Variants in GOLGA3 observed in about 807,000 individuals in gnomAD.
GOLGA3 encodes the protein golgin subfamily A member 3.
A neutral mutation model predicts 169.4 loss-of-function variants in GOLGA3; 75 were observed. That is an observed-to-expected ratio of 0.44 (90% CI 0.37 to 0.54). GOLGA3 has a LOEUF of 0.54. Ranked by LOEUF, GOLGA3 falls within the 20% of genes least tolerant of loss-of-function variation. The pLI is 0.00. For synonymous variants in GOLGA3, 824 were observed against 822.4 expected, an observed-to-expected ratio of 1.00 and a Z score of -0.03; for missense variants, 1,899 against 1,930.0, an observed-to-expected ratio of 0.98 and a Z score of 0.30.
At chr12:132,774,136 C>A in intron 23 of GOLGA3, 21 bp downstream of exon 23, 2 of 1,553,290 alleles carry the variant, frequency 1.3e-6, no homozygotes, top group Non-Finnish European at 1.7e-6. Context: ...AGCTGAAGTG[C>A]AGCACGGAAT....
rs186642824 is a variant in GOLGA3, at chr12:132,769,642, G to A, written c.*3463C>T. On this transcript the variant is annotated 3_prime_UTR_variant, in exon 24 of 24. Coordinates refer to ENST00000450791, the MANE Select transcript of GOLGA3 (RefSeq NM_001389683.1). ...TTTTGGAACATCAGAAAAACAAGTA[G>A]TGACATCGTGAAGTGCCCTAGCCTG... The A allele has an allele frequency of 1.3e-5, 2 of 152,282 alleles. No individual in the cohort carries two copies. Among genetic ancestry groups the A allele is most frequent in the African/African-American group, 4.8e-5 (2 of 41,586 alleles). 9.4% of individuals were successfully genotyped at this position (152,282 alleles called of 1,614,324 possible).
At chr12:132,781,320 G>A (rs927266488) in intron 17 of GOLGA3, among the ~76,000 whole-genome samples, 15 of 151,272 alleles carry the variant, frequency 9.9e-5, no homozygotes, top group African/African-American at 3.6e-4. Context: ...CCAGCACTTT[G>A]GGAGGCCGAG....
At chr12:132,786,177 G>A (rs1463857438) in intron 15 of GOLGA3, among the ~76,000 whole-genome samples, 162 bp downstream of exon 15, 2 of 151,956 alleles carry the variant, frequency 1.3e-5, no homozygotes, top group Non-Finnish European at 2.9e-5. Flanking sequence ...CTCAGTCACT[G>A]TGGGTTCCTG....
intron 1 of GOLGA3, chr12:132,826,035 A>G: frequency 8.0e-7 from 1 of 1,256,648 alleles, no homozygotes; most frequent in African/African-American, 1.5e-5. Flanking sequence ...ATGTCTGTAC[A>G]CCTGTTCCCC....
intron 6 of GOLGA3, among the ~76,000 whole-genome samples, chr12:132,806,861 G>C (rs999447806): frequency 1.1e-4 from 17 of 151,994 alleles, no homozygotes; most frequent in African/African-American, 3.9e-4. Context: ...AAAGAAAAAA[G>C]GTTCACCATG....
chr12:132,774,382 G>A, intron 22 of GOLGA3, 62 bp from the exon 23 acceptor site: 1 of 1,583,008 alleles, frequency 6.3e-7, no homozygotes, highest in Non-Finnish European at 8.6e-7. Context: ...AGTCTCACTA[G>A]CACAGCTTGT....
chr12:132,810,150 A>G (rs1380131705), intron 4 of GOLGA3, among the ~76,000 whole-genome samples: 1 of 152,206 alleles, frequency 6.6e-6, no homozygotes, highest in Non-Finnish European at 1.5e-5. Context: ...TGGGAGGATG[A>G]GGCAGGAGAA....
rs1190919751 is a variant in GOLGA3, at chr12:132,786,551, T to C, written c.2911A>G (p.Ile971Val). 6.2e-7 allele frequency: 1 copy of C among 1,613,162 alleles called. No homozygotes were observed. The highest frequency in any genetic ancestry group is 8.5e-7 in the Non-Finnish European group (1 of 1,179,712). The change falls in exon 15 of 24, where the codon ATC becomes GTC. Residue 971 changes from isoleucine (I) to valine (V), a missense_variant. Transcript: ENST00000450791. The stretch of plus-strand genomic sequence containing the variant: ...CTCATCTTCTGCTTCTGTTCCGTGA[T>C]GGCCCTGGGGTGTCATGAGGGAGAC... ...EELQQEARKA[I>V]TEQKQKMRRL...
At chr12:132,796,266 G>A (rs1220828104) in intron 10 of GOLGA3, 46 bp from the exon 11 acceptor site, 20 of 1,539,566 alleles carry the variant, frequency 1.3e-5, no homozygotes, top group Non-Finnish European at 1.7e-5. Context: ...ACCCTCCTCC[G>A]AGAGCGTATG....
At chr12:132,812,002 CAAAAAAAAAAA>C (rs71076477) in intron 4 of GOLGA3, among the ~76,000 whole-genome samples, 26 of 39,906 alleles carry the variant, frequency 6.5e-4, no homozygotes, top group African/African-American at 1.3e-3. Context: ...CTCCGTCTCT[CAAAAAAAAAAA>C]AAAAAAAAAA....
intron 3 of GOLGA3, among the ~76,000 whole-genome samples, chr12:132,814,742 A>C (rs1949880605): frequency 6.6e-6 from 1 of 152,228 alleles, no homozygotes; most frequent in African/African-American, 2.4e-5. Flanking sequence ...CCAGACAGAC[A>C]AGACTCCAAT....
intron 8 of GOLGA3, among the ~76,000 whole-genome samples, chr12:132,799,644 G>GA (rs1222470372): frequency 2.0e-5 from 3 of 151,968 alleles, no homozygotes; most frequent in Non-Finnish European, 4.4e-5. Flanking sequence ...CCCTGTCTCC[G>GA]AAAAAACAGC....
intron 7 of GOLGA3, among the ~76,000 whole-genome samples, chr12:132,802,972 T>C (rs1351871849): frequency 1.3e-5 from 2 of 152,094 alleles, no homozygotes; most frequent in Non-Finnish European, 2.9e-5. Context: ...GGAGAATCGC[T>C]TGAACCTGGG....
chr12:132,773,389 G>C, intron 23 of GOLGA3, 95 bp from the exon 24 acceptor site: 1 of 767,936 alleles, frequency 1.3e-6, no homozygotes, highest in Non-Finnish European at 2.0e-6. Flanking sequence ...CACCTGAGTG[G>C]ACCGGGGCGC....
rs1948817341 is a variant in GOLGA3 at position 132,796,081 on chromosome 12, T to C, written c.2240A>G (p.Tyr747Cys). 6.2e-7 allele frequency: 1 copy of C among 1,613,082 alleles called. No individual in the cohort carries two copies. Among genetic ancestry groups the C allele is most frequent in the East Asian group, 2.2e-5 (1 of 44,882 alleles). Residue 747 changes from tyrosine (Y) to cysteine (C), a missense_variant, in exon 11 of 24, where the codon TAC becomes TGC. By Grantham distance (194) the Tyr-to-Cys change is radical (BLOSUM62 -2). Coordinates refer to ENST00000450791, the MANE Select transcript of GOLGA3 (RefSeq NM_001389683.1). Reference sequence around the variant, plus strand: ...CCCCAGCCTGGCCTGCAGCTCATCGTAGTGTGTCTGCAGGGCATCGAGGGA... The same window carrying C: ...CCCCAGCCTGGCCTGCAGCTCATCGCAGTGTGTCTGCAGGGCATCGAGGGA... ...EQSLDALQTH[Y>C]DELQARLGEL... is the part of the protein sequence containing the mutation.
chr12:132,780,366 C>T (rs756075994), intron 18 of GOLGA3, among the ~76,000 whole-genome samples: 2 of 152,170 alleles, frequency 1.3e-5, no homozygotes, highest in Non-Finnish European at 1.5e-5. Context: ...CCTCTGCTGG[C>T]GACGTGACCA....
At chr12:132,790,433 G>A (rs917637935) in intron 12 of GOLGA3, among the ~76,000 whole-genome samples, 1 of 152,144 alleles carries the variant, frequency 6.6e-6, no homozygotes, top group Non-Finnish European at 1.5e-5. Context: ...ATATAGCTTC[G>A]GGGTCACCCT....
intron 2 of GOLGA3, among the ~76,000 whole-genome samples, chr12:132,820,390 T>C (rs1024368417): frequency 6.6e-6 from 1 of 152,208 alleles, no homozygotes. Flanking sequence ...AGGCTGAGAT[T>C]AACCCAGCGT....
intron 1 of GOLGA3, chr12:132,827,862 G>C (rs1950488469): frequency 6.7e-6 from 1 of 150,174 alleles, no homozygotes; most frequent in Non-Finnish European, 1.5e-5. Flanking sequence ...GAGGCCAGGA[G>C]TTCCACACCA....
Sources: allele counts gnomAD v4.1 joint callset (sites outside exome capture counted in the v4.1 genomes callset), GRCh38; gene constraint gnomAD v4.1.1; transcripts MANE v1.5; gene names NCBI Gene and HGNC (gene_info 2026-07-23, HGNC 2026-07-21).